The following CDHR2 variants were observed in gnomAD, a reference collection of about 807,000 sequenced individuals.
CDHR2 encodes cadherin-related family member 2.
A neutral mutation model predicts 138.6 loss-of-function variants in CDHR2; 104 were observed. That is an observed-to-expected ratio of 0.75 (90% CI 0.64 to 0.88). The LOEUF (loss-of-function observed/expected upper bound fraction) is 0.88, where lower values mean the gene tolerates loss of function less well. Among genes scored for constraint, CDHR2 ranks in the 40% least tolerant of loss-of-function variants. The pLI, the probability that CDHR2 is intolerant of heterozygous loss-of-function variation, is 0.00. For missense variants in CDHR2, 1,624 were observed against 1,727.6 expected, an observed-to-expected ratio of 0.94 and a Z score of 1.06; for synonymous variants, 755 against 742.8, an observed-to-expected ratio of 1.02 and a Z score of -0.27.
At chr5:176,558,634 C>T (rs1223524154) in intron 1 of CDHR2, among the ~76,000 whole-genome samples, 2 of 152,186 alleles carry the variant, frequency 1.3e-5, no homozygotes, top group African/African-American at 4.8e-5. Flanking sequence ...ATCCACCCAC[C>T]TCAGCCTCCC....
chr5:176,575,083 G>A lies in CDHR2; in HGVS notation c.496-1G>A. 6.2e-7 allele frequency: 1 copy of A among 1,614,066 alleles called. No homozygotes were observed. Among genetic ancestry groups the A allele is most frequent in the Non-Finnish European group, 8.5e-7 (1 of 1,180,032 alleles). On this transcript the variant is annotated splice_acceptor_variant, in intron 7 of 31. Coordinates refer to ENST00000261944, the MANE Select transcript of CDHR2 (RefSeq NM_017675.6). LOFTEE classifies it high-confidence loss of function. Reference sequence around the variant, plus strand: ...CCTGACCCAAGTCTGCTCTGCCCCAGGTCATCCCTAGCACTGGGGACAGCG... The same window carrying A: ...CCTGACCCAAGTCTGCTCTGCCCCAAGTCATCCCTAGCACTGGGGACAGCG...
chr5:176,588,186 C>CTG (rs1443698445), intron 21 of CDHR2, among the ~76,000 whole-genome samples: 9 of 145,998 alleles, frequency 6.2e-5, no homozygotes, highest in Non-Finnish European at 1.4e-4. Context: ...CTGAGCATCG[C>CTG]TGTGTGTGTG....
At position 176,589,489 on chromosome 5, in the gene CDHR2, G is replaced by C. The variant is rs753857468; in HGVS notation, c.3118-39G>C. On this transcript the variant is annotated intron_variant, in intron 23 of 31. Coordinates refer to ENST00000261944, the MANE Select transcript of CDHR2 (RefSeq NM_017675.6). ...CCCAACGCCCTCTGCCAGCCCCCAGGGTCCCTGGTGCCTCATCTCCTGCAC... is the reference window on the plus strand; with the variant it reads ...CCCAACGCCCTCTGCCAGCCCCCAGCGTCCCTGGTGCCTCATCTCCTGCAC... 8 of 1,612,832 alleles carry C rather than the reference G, an allele frequency of 5.0e-6. 1 individual carries two copies. In the South Asian group the frequency reaches 8.8e-5, roughly 18 times the overall value.
intron 6 of CDHR2, 77 bp downstream of exon 6, chr5:176,571,379 G>A: frequency 9.7e-7 from 1 of 1,032,618 alleles, no homozygotes; most frequent in Non-Finnish European, 1.4e-6. Flanking sequence ...GCCAGAGACA[G>A]TCAGTGGGGC....
chr5:176,584,098 T>A, intron 17 of CDHR2, 92 bp from the exon 18 acceptor site: 1 of 1,072,526 alleles, frequency 9.3e-7, no homozygotes, highest in Non-Finnish European at 1.4e-6. Flanking sequence ...GTAGAGTCCA[T>A]GCCTTGGAGC....
Position 176,589,020 on chromosome 5 carries a change from C to T in CDHR2, c.2857-11C>T. 1 of 1,613,780 alleles carries T rather than the reference C, an allele frequency of 6.2e-7. No homozygotes were observed. Reference sequence around the variant, plus strand: ...GCTGGGCCCCCAGATATTGTCCACTCTTGCTCCCAGGCCAGAGACGATGAT... The same window carrying T: ...GCTGGGCCCCCAGATATTGTCCACTTTTGCTCCCAGGCCAGAGACGATGAT... On this transcript the variant is annotated splice_polypyrimidine_tract_variant and intron_variant, in intron 21 of 31. Coordinates refer to ENST00000261944, the MANE Select transcript of CDHR2 (RefSeq NM_017675.6).
chr5:176,589,351 C>T lies in CDHR2; in HGVS notation c.3030C>T (p.Ser1010=). 1 of 1,556,540 alleles carries T rather than the reference C, an allele frequency of 6.4e-7. No homozygotes were observed. The highest frequency in any genetic ancestry group is 1.2e-5 in the South Asian group (1 of 80,408). ...GCAGGCCGGTGACCAGCCTCGACTCCACTCTCCAAGGCACCTACCAAGTGA... is the reference window on the plus strand; with the variant it reads ...GCAGGCCGGTGACCAGCCTCGACTCTACTCTCCAAGGCACCTACCAAGTGA... ...GSIQPVTSLD[S]TLQGTYQVTV... is the part of the protein sequence containing the mutation. Residue 1010 remains serine, a synonymous_variant, in exon 23 of 32, where the codon TCC becomes TCT. Transcript: ENST00000261944.
In CDHR2 at chr5:176,550,441, C is replaced by T. The variant is rs540521722; in HGVS notation, c.-16+1027C>T. ...CGGGCACCCAGGCTCGGCTGGAGTCCGCTCTGTGGGTGCAGGCACGGCCTC... is the reference window on the plus strand; with the variant it reads ...CGGGCACCCAGGCTCGGCTGGAGTCTGCTCTGTGGGTGCAGGCACGGCCTC... On this transcript the variant is annotated intron_variant, in intron 1 of 31. Coordinates refer to ENST00000261944, the MANE Select transcript of CDHR2 (RefSeq NM_017675.6). Among the ~76,000 whole-genome samples, 77 of 152,174 alleles carry T rather than the reference C, an allele frequency of 5.1e-4. 2 individuals carry two copies. Among genetic ancestry groups the T allele is most frequent in the Admixed American group, 3.3e-4 (5 of 15,280 alleles).
At chr5:176,580,713 A>G (rs1003844645) in intron 16 of CDHR2, among the ~76,000 whole-genome samples, 7 of 149,266 alleles carry the variant, frequency 4.7e-5, no homozygotes, top group Admixed American at 4.7e-4. Flanking sequence ...CATCTCTACT[A>G]AAAAATACAA....
intron 30 of CDHR2, 123 bp from the exon 31 acceptor site, chr5:176,592,582 TGTGATGATGGTGGTGGTG>T (rs1194831481): frequency 1.2e-5 from 8 of 687,116 alleles, no homozygotes; most frequent in South Asian, 1.1e-4. Flanking sequence ...TGATGGTAGT[TGTGATGATGGTGGTGGTG>T]GTGATGGTGA....
chr5:176,578,709 G>T, intron 16 of CDHR2, 101 bp downstream of exon 16: 1 of 1,479,840 alleles, frequency 6.8e-7, no homozygotes, highest in Non-Finnish European at 9.2e-7. Context: ...CCGCTGTGTG[G>T]CTCTGAGACA....
At position 176,568,728 on chromosome 5, in the gene CDHR2, A is replaced by G; in HGVS notation, c.175A>G (p.Thr59Ala). 1 of 1,614,172 alleles carries G rather than the reference A, an allele frequency of 6.2e-7. No homozygotes were observed. The highest frequency in any genetic ancestry group is 8.5e-7 in the Non-Finnish European group (1 of 1,180,026). Residue 59 changes from threonine to alanine, a missense_variant, in exon 4 of 32, where the codon ACC (threonine) becomes GCC (alanine). Thr to Ala is a moderately conservative substitution (Grantham distance 58, BLOSUM62 0). This residue lies in a region of CDHR2 where 1,061 missense variants were observed against 1,136.6 expected (regional missense o/e 0.93). Transcript: ENST00000261944. ...GGAAGACCAGGACAATGACCCTCTG[A>G]CCTATGGGATGAGCGGCCCCAATGC... The part of the protein sequence containing the change: ...VAEDQDNDPL[T>A]YGMSGPNAYF...
chr5:176,589,886 A>C (rs1348770141), intron 24 of CDHR2, among the ~76,000 whole-genome samples, 192 bp from the exon 25 acceptor site: 1 of 152,154 alleles, frequency 6.6e-6, no homozygotes, highest in East Asian at 1.9e-4. Context: ...CTGCTTGCTA[A>C]GCTATTCACC....
intron 15 of CDHR2, 61 bp from the exon 16 acceptor site, chr5:176,578,304 A>C (rs1450692529): frequency 6.7e-7 from 1 of 1,501,278 alleles, no homozygotes; most frequent in Non-Finnish European, 9.1e-7. Context: ...TGTATATCTG[A>C]AATTCACACT....
chr5:176,584,047 TCTC>T (rs1334669237), intron 17 of CDHR2, 140 bp from the exon 18 acceptor site: 1 of 715,700 alleles, frequency 1.4e-6, no homozygotes, highest in Admixed American at 2.2e-5. Context: ...TCAGAGCCTG[TCTC>T]CTCATCTGGG....
intron 14 of CDHR2, 50 bp from the exon 15 acceptor site, chr5:176,577,984 G>C: frequency 6.4e-7 from 1 of 1,564,766 alleles, no homozygotes; most frequent in South Asian, 1.2e-5. Context: ...CATGGGTGGC[G>C]GTGCGTGCAT....
chr5:176,582,530 C>T (rs1271736201), intron 17 of CDHR2, among the ~76,000 whole-genome samples: 1 of 152,104 alleles, frequency 6.6e-6, no homozygotes, highest in Admixed American at 6.5e-5. Context: ...ATGCCAAAAA[C>T]CTCAGTACTT....
chr5:176,575,825 C>G lies in CDHR2; in HGVS notation c.946C>G (p.Gln316Glu). The G allele has an allele frequency of 6.4e-7, 1 of 1,550,650 alleles. No homozygotes were observed. The highest frequency in any genetic ancestry group is 1.2e-5 in the South Asian group (1 of 84,072). Residue 316 changes from glutamine to glutamate, a missense_variant, in exon 11 of 32, where the codon CAG becomes GAG. By Grantham distance (29) the Gln-to-Glu change is conservative (BLOSUM62 2). Coordinates refer to ENST00000261944, the MANE Select transcript of CDHR2 (RefSeq NM_017675.6). Reference protein sequence around the residue: ...EQLLEADEEVQLQVTATETHL... With the variant: ...EQLLEADEEVELQVTATETHL... ...GCTGCTGGAGGCGGATGAGGAGGTGCAGCTGCAGGTCACGGTGAGCAAAGG... is the reference window on the plus strand; with the variant it reads ...GCTGCTGGAGGCGGATGAGGAGGTGGAGCTGCAGGTCACGGTGAGCAAAGG...
chr5:176,590,565 C>A lies in CDHR2; in HGVS notation c.3417C>A (p.Gly1139=), dbSNP rs1179898004. The change falls in exon 28 of 32, where the codon GGC becomes GGA. Residue 1139 remains glycine, a splice_region_variant and synonymous_variant. Coordinates refer to ENST00000261944, the MANE Select transcript of CDHR2 (RefSeq NM_017675.6). ...CCCTCACACTCATCTTTCTCCAGGGCTCCCAGGAGAGCCAGGAGTCAGACC... is the reference window on the plus strand; with the variant it reads ...CCCTCACACTCATCTTTCTCCAGGGATCCCAGGAGAGCCAGGAGTCAGACC... The part of the protein sequence containing the change: ...QLLQLGLVVL[G]SQESQESDLS... The A allele has an allele frequency of 6.2e-7, 1 of 1,614,046 alleles. No homozygotes were observed. Among genetic ancestry groups the A allele is most frequent in the Non-Finnish European group, 8.5e-7 (1 of 1,180,006 alleles).
Sources: gnomAD v4.1 joint callset for allele counts (sites outside exome capture counted in the v4.1 genomes callset) on GRCh38, gnomAD v4.1.1 for gene constraint, gnomAD v4.1.1 regional missense constraint, MANE v1.5 for transcripts, NCBI Gene and HGNC (gene_info 2026-07-23, HGNC 2026-07-21) for gene names.